LIN7A: variants seen among roughly 807,000 people sequenced by gnomAD.
LIN7A encodes protein lin-7 homolog A.
Under a neutral mutation model 29.8 loss-of-function variants are expected in LIN7A, and 25 were observed. That is an observed-to-expected ratio of 0.84 (90% confidence interval 0.61 to 1.17). The LOEUF (loss-of-function observed/expected upper bound fraction) is 1.17. Ranked by LOEUF, LIN7A falls within the 50% of genes most tolerant of loss-of-function variation. The pLI, the probability that LIN7A is intolerant of heterozygous loss-of-function variation, is 0.00. For synonymous variants in LIN7A, 118 were observed against 107.5 expected (o/e 1.10, Z -0.60); for missense variants, 239 against 287.0 (o/e 0.83, Z 1.21).
At position 80,797,698 on chromosome 12, in the gene LIN7A, G is replaced by A. The variant is rs1002316124; in HGVS notation, c.*29C>T. 6.6e-6 allele frequency: 1 copy of A among 152,652 alleles called. No homozygotes were observed. The highest frequency in any genetic ancestry group is 1.5e-5 in the Non-Finnish European group (1 of 68,042). The allele number at this position is 152,652 out of a possible 1,614,324, so 9.5% of individuals were successfully genotyped here. A position where few individuals can be genotyped will look rare whatever the true frequency, so the allele number is the denominator to read the frequency against. ...GGTTTCAAATTTGTGACTATCGGATGTTTGATCAAGTAGCTTTCCCTCAAG... is the reference window on the plus strand; with the variant it reads ...GGTTTCAAATTTGTGACTATCGGATATTTGATCAAGTAGCTTTCCCTCAAG... On this transcript the variant is annotated 3_prime_UTR_variant, in exon 6 of 6. Transcript: ENST00000552864.
chr12:80,875,301 GA>G (rs1167192044), intron 2 of LIN7A, among the ~76,000 whole-genome samples: 6 of 151,222 alleles, frequency 4.0e-5, no homozygotes, highest in South Asian at 2.1e-4. Context: ...ATTTTTTCTG[GA>G]AAAAAAAGCC....
Position 80,897,216 on chromosome 12 carries a change from TTATTTGATGTCTTTCCTTTA to T in LIN7A, c.83-7867_83-7848del, listed in dbSNP as rs1212446073. Reference sequence around the variant, plus strand: ...TTCAGCTTTCATTTTTTTCTCCTTATTATTTGATGTCTTTCCTTTATATTTGATGTCTTTCCTTTTTTCTG... The same window carrying T: ...TTCAGCTTTCATTTTTTTCTCCTTATTATTTGATGTCTTTCCTTTTTTCTG... On this transcript the variant is annotated intron_variant, in intron 1 of 5. Coordinates refer to ENST00000552864, the MANE Select transcript of LIN7A (RefSeq NM_004664.4). 3.3e-5 allele frequency among the ~76,000 whole-genome samples: 5 copies of T among 152,296 alleles called. No homozygotes were observed. In the South Asian group the frequency reaches 6.2e-4, roughly 19 times the overall value.
intron 2 of LIN7A, among the ~76,000 whole-genome samples, chr12:80,869,195 A>G (rs914171177): frequency 2.6e-5 from 4 of 151,246 alleles, no homozygotes; most frequent in Non-Finnish European, 2.9e-5. Context: ...CATATACATA[A>G]AAGGTTGTGT....
At chr12:80,929,323 T>A (rs1218031376) in intron 1 of LIN7A, among the ~76,000 whole-genome samples, 1 of 152,230 alleles carries the variant, frequency 6.6e-6, no homozygotes, top group Non-Finnish European at 1.5e-5. Flanking sequence ...TTATCTCTTT[T>A]ATTGTAACCT....
In LIN7A at chr12:80,920,956, CAG is replaced by C. The variant is rs1455636618; in HGVS notation, c.82+16683_82+16684del. Among the ~76,000 whole-genome samples the C allele has an allele frequency of 3.3e-5, 5 of 152,298 alleles. No homozygotes were observed. The East Asian group carries it at 7.7e-4, about 24-fold the overall frequency. The stretch of plus-strand genomic sequence containing the variant: ...GGCTAAACTGTTCAGCTACTTAAGA[CAG>C]AGGATTGCTGAGGCCAAGATCATGT... On this transcript the variant is annotated intron_variant, in intron 1 of 5. Coordinates refer to ENST00000552864, the MANE Select transcript of LIN7A (RefSeq NM_004664.4).
intron 2 of LIN7A, among the ~76,000 whole-genome samples, chr12:80,849,983 T>C (rs1009060859): frequency 3.3e-5 from 5 of 152,190 alleles, no homozygotes; most frequent in Middle Eastern, 3.2e-3. Context: ...CAAGGATGTT[T>C]ATGAAGACAA....
At chr12:80,820,086 T>C (rs1871722854) in intron 4 of LIN7A, among the ~76,000 whole-genome samples, 1 of 152,202 alleles carries the variant, frequency 6.6e-6, no homozygotes. Flanking sequence ...ACAATTGATA[T>C]GCTAATTACA....
At chr12:80,906,253 G>T (rs1876468419) in intron 1 of LIN7A, among the ~76,000 whole-genome samples, 1 of 152,164 alleles carries the variant, frequency 6.6e-6, no homozygotes, top group South Asian at 2.1e-4. Flanking sequence ...TCTTTGAAAA[G>T]TGTCTGAGAA....
intron 4 of LIN7A, among the ~76,000 whole-genome samples, chr12:80,838,365 T>C (rs1310736669): frequency 6.6e-6 from 1 of 152,214 alleles, no homozygotes; most frequent in Non-Finnish European, 1.5e-5. Flanking sequence ...GCTATTGAGA[T>C]AGCACGATAT....
chr12:80,926,879 G>A (rs1265010225), intron 1 of LIN7A, among the ~76,000 whole-genome samples: 1 of 127,304 alleles, frequency 7.9e-6, no homozygotes, highest in Non-Finnish European at 1.6e-5. Context: ...AGTAAGCCGA[G>A]ATCGCACCAC....
chr12:80,930,726 A>G (rs1877853224), intron 1 of LIN7A, among the ~76,000 whole-genome samples: 1 of 152,236 alleles, frequency 6.6e-6, no homozygotes, highest in Non-Finnish European at 1.5e-5. Flanking sequence ...TTGGCCCTTG[A>G]GAGCACTACA....
intron 5 of LIN7A, among the ~76,000 whole-genome samples, chr12:80,803,114 T>C (rs1453829340): frequency 1.3e-5 from 2 of 152,256 alleles, no homozygotes; most frequent in Non-Finnish European, 2.9e-5. Flanking sequence ...TTTCCTTTGC[T>C]GTGAAGAAGC....
At chr12:80,900,798 A>C (rs1206021798) in intron 1 of LIN7A, among the ~76,000 whole-genome samples, 1 of 152,190 alleles carries the variant, frequency 6.6e-6, no homozygotes, top group Non-Finnish European at 1.5e-5. Context: ...ACTAGTTAAC[A>C]ATGATACCAT....
chr12:80,860,197 A>C (rs1873793423), intron 2 of LIN7A, among the ~76,000 whole-genome samples: 1 of 152,238 alleles, frequency 6.6e-6, no homozygotes, highest in African/African-American at 2.4e-5. Context: ...AGATATTGGT[A>C]TATTACCCCT....
intron 2 of LIN7A, among the ~76,000 whole-genome samples, chr12:80,862,461 A>G (rs1361751714): frequency 2.0e-5 from 3 of 152,262 alleles, no homozygotes; most frequent in Admixed American, 1.3e-4. Context: ...ATCTCTGGTT[A>G]CATTTTCACC....
intron 3 of LIN7A, 36 bp downstream of exon 3, chr12:80,848,215 G>A (rs1198387066): frequency 6.1e-6 from 9 of 1,464,420 alleles, no homozygotes; most frequent in Non-Finnish European, 7.7e-6. Flanking sequence ...TAGATAACTG[G>A]GGTCAAGTAT....
Position 80,811,480 on chromosome 12 carries a change from T to C in LIN7A, c.687A>G (p.Gln229=). Residue 229 remains glutamine (Q), a synonymous_variant, in exon 5 of 6, where the codon CAA becomes CAG. Transcript: ENST00000552864. ...QQQQQQQQTQ[Q]NHMS is the part of the protein sequence containing the mutation. Reference sequence around the variant, plus strand: ...CACTTCTCACCTATGACATGTGGTTTTGTTGTGTTTGTTGCTGCTGCTGCT... The same window carrying C: ...CACTTCTCACCTATGACATGTGGTTCTGTTGTGTTTGTTGCTGCTGCTGCT... 3 of 1,450,530 alleles carry C rather than the reference T, an allele frequency of 2.1e-6. No individual in the cohort carries two copies. The highest frequency in any genetic ancestry group is 2.9e-6 in the Non-Finnish European group (3 of 1,045,034). The allele number at this position is 1,450,530 out of a possible 1,614,324, so 89.9% of individuals were successfully genotyped here. A position where few individuals can be genotyped will look rare whatever the true frequency, so the allele number is the denominator to read the frequency against.
At chr12:80,834,752 T>C (rs1321592567) in intron 4 of LIN7A, among the ~76,000 whole-genome samples, 1 of 152,232 alleles carries the variant, frequency 6.6e-6, no homozygotes, top group Non-Finnish European at 1.5e-5. Context: ...TTGCCATATG[T>C]ATCAGTGTCT....
intron 1 of LIN7A, among the ~76,000 whole-genome samples, chr12:80,889,592 A>T (rs1282532411): frequency 6.6e-6 from 1 of 152,136 alleles, no homozygotes; most frequent in East Asian, 1.9e-4. Flanking sequence ...ATGGGATTTC[A>T]TGTAATTTGT....
Sources: gnomAD v4.1 joint callset for allele counts (sites outside exome capture counted in the v4.1 genomes callset) on GRCh38, gnomAD v4.1.1 for gene constraint, MANE v1.5 for transcripts, NCBI Gene and HGNC (gene_info 2026-07-23, HGNC 2026-07-21) for gene names.